The following NRXN2 variants were observed in gnomAD, a reference collection of about 807,000 sequenced individuals.
The protein encoded by NRXN2 is neurexin 2.
In NRXN2, 29 loss-of-function variants were observed where a neutral mutation model predicts 128.8. The ratio of observed to expected loss-of-function variants is 0.23; its 90% CI spans 0.17 to 0.31. The LOEUF (loss-of-function observed/expected upper bound fraction) is 0.31, where lower values mean the gene tolerates loss of function less well. Ranked by LOEUF, NRXN2 falls within the 10% of genes least tolerant of loss-of-function variation. The pLI is 1.00. For missense variants in NRXN2, 1,881 were observed against 2,452.6 expected, an observed-to-expected ratio of 0.77 and a Z score of 4.92; for synonymous variants, 1,098 against 1,075.2, an observed-to-expected ratio of 1.02 and a Z score of -0.41.
chr11:64,667,261 T>A lies in NRXN2; in HGVS notation c.1787A>T (p.Asp596Val). ...AGAGGCCTCCTGACCTTTTCGCCCA[T>A]CCCTCTGGAAGTCCACGTGACACCA... ...GEWCHVDFQRDGRKGSISVNS... is the reference protein window; with the variant it reads ...GEWCHVDFQRVGRKGSISVNS... Residue 596 changes from aspartate to valine, a missense_variant, in exon 9 of 23, where the codon GAT becomes GTT. Coordinates refer to ENST00000265459, the MANE Select transcript of NRXN2 (RefSeq NM_015080.4). This position sits in a 1 kb window ranked among gnomAD's most constrained non-coding sequence, Gnocchi z 5.6. 6.2e-7 allele frequency: 1 copy of A among 1,614,168 alleles called. No homozygotes were observed. The highest frequency in any genetic ancestry group is 8.5e-7 in the Non-Finnish European group (1 of 1,180,020).
rs1165042234 is a variant in NRXN2 at position 64,651,368 on chromosome 11, T to C, written c.2805A>G (p.Gln935=). The C allele has an allele frequency of 6.2e-7, 1 of 1,614,080 alleles. No homozygotes were observed. Among genetic ancestry groups the C allele is most frequent in the Non-Finnish European group, 8.5e-7 (1 of 1,180,034 alleles). Residue 935 remains glutamine, a synonymous_variant, in exon 14 of 23, where the codon CAA becomes CAG. Coordinates refer to ENST00000265459, the MANE Select transcript of NRXN2 (RefSeq NM_015080.4). The surrounding 1 kb of genome is among the most constrained non-coding windows in gnomAD (Gnocchi z 5.9). ...RSSYLALATL[Q]AYASMHLFFQ... ...AGAAGAGGTGCATGGAAGCATAGGC[T>C]TGGAGCGTGGCGAGTGCCAGGTAGC...
chr11:64,613,126 C>A (rs778101066), intron 22 of NRXN2, among the ~76,000 whole-genome samples: 1 of 152,200 alleles, frequency 6.6e-6, no homozygotes, highest in Non-Finnish European at 1.5e-5. Flanking sequence ...AAGAAAAAAA[C>A]GGTACATTGT....
chr11:64,616,479 C>G (rs960692494), intron 22 of NRXN2, among the ~76,000 whole-genome samples: 1 of 152,090 alleles, frequency 6.6e-6, no homozygotes, highest in African/African-American at 2.4e-5. Context: ...ATGTAGGACT[C>G]TGTGGTCTGA....
At chr11:64,718,829 G>A (rs1386965133) in intron 1 of NRXN2, among the ~76,000 whole-genome samples, 1 of 152,062 alleles carries the variant, frequency 6.6e-6, no homozygotes, top group Non-Finnish European at 1.5e-5. Flanking sequence ...GTGATGATCT[G>A]GCAGAAAAAA....
rs375119886 is a variant in NRXN2 at position 64,667,655 on chromosome 11, G to A, written c.1393C>T (p.Leu465=). Residue 465 remains leucine, a synonymous_variant, in exon 9 of 23, where the codon CTA becomes TTA. Transcript: ENST00000265459. This position sits in a 1 kb window ranked among gnomAD's most constrained non-coding sequence, Gnocchi z 5.6. ...TCCCCTTCCTTTGCCAGGCGGGATA[G>A]TTCCAATTTGAAGTCATTGTTCTTA... The part of the protein sequence containing the change: ...VYKNNDFKLE[L]SRLAKEGDPK... 4.3e-6 allele frequency: 7 copies of A among 1,614,084 alleles called. No homozygotes were observed. Among genetic ancestry groups the A allele is most frequent in the African/African-American group, 2.7e-5 (2 of 74,938 alleles).
At chr11:64,708,044 G>A (rs1019489958) in intron 2 of NRXN2, among the ~76,000 whole-genome samples, 1 of 151,552 alleles carries the variant, frequency 6.6e-6, no homozygotes, top group Non-Finnish European at 1.5e-5. Flanking sequence ...GTTGTGGTGA[G>A]CCAAGATTGT....
intron 1 of NRXN2, among the ~76,000 whole-genome samples, chr11:64,715,931 C>T (rs2057290904): frequency 6.6e-6 from 1 of 152,206 alleles, no homozygotes; most frequent in Admixed American, 6.5e-5. Context: ...GCCCTCACCC[C>T]CCCACACACA....
chr11:64,659,010 C>T (rs778792586), intron 11 of NRXN2, among the ~76,000 whole-genome samples: 50 of 152,174 alleles, frequency 3.3e-4, no homozygotes, highest in Non-Finnish European at 6.6e-4. Flanking sequence ...GGTGAAAGAG[C>T]GAGACTCCAT....
At chr11:64,680,705 G>A (rs1434054020) in intron 6 of NRXN2, among the ~76,000 whole-genome samples, 1 of 152,174 alleles carries the variant, frequency 6.6e-6, no homozygotes, top group Non-Finnish European at 1.5e-5. Flanking sequence ...CTAGTGGGGA[G>A]AGACGTTACA....
chr11:64,616,682 C>G (rs1231954697), intron 22 of NRXN2, among the ~76,000 whole-genome samples: 1 of 152,206 alleles, frequency 6.6e-6, no homozygotes, highest in Non-Finnish European at 1.5e-5. Context: ...ATATGCAAGT[C>G]TGTCTCTGGG....
At chr11:64,645,102 A>G (rs2046435581) in intron 17 of NRXN2, among the ~76,000 whole-genome samples, 1 of 152,210 alleles carries the variant, frequency 6.6e-6, no homozygotes, top group Non-Finnish European at 1.5e-5. Context: ...GAGAGACTGC[A>G]TGCCAGGAGC....
Position 64,723,171 on chromosome 11 carries a change from C to T in NRXN2, c.-445G>A, listed in dbSNP as rs971302815. On this transcript the variant is annotated 5_prime_UTR_variant, in exon 1 of 23. Coordinates refer to ENST00000265459, the MANE Select transcript of NRXN2 (RefSeq NM_015080.4). ...CTCCGCGAGTCAGGGCGGCTGCTCC[C>T]GCCGCCGCATCCCTGCAACACCGAC... 2 of 150,820 alleles carry T rather than the reference C, an allele frequency of 1.3e-5. No individual in the cohort carries two copies. The highest frequency in any genetic ancestry group is 4.9e-5 in the African/African-American group (2 of 40,918). The allele number at this position is 150,820 out of a possible 1,614,324, so 9.3% of individuals were successfully genotyped here. A position where few individuals can be genotyped will look rare whatever the true frequency, so the allele number is the denominator to read the frequency against.
Position 64,648,426 on chromosome 11 carries a change from G to C in NRXN2, c.3284-88C>G. 1 of 1,599,732 alleles carries C rather than the reference G, an allele frequency of 6.3e-7. No homozygotes were observed. The highest frequency in any genetic ancestry group is 1.3e-5 in the African/African-American group (1 of 74,730). On this transcript the variant is annotated intron_variant, in intron 16 of 22. Transcript: ENST00000265459. The surrounding 1 kb of genome is among the most constrained non-coding windows in gnomAD (Gnocchi z 4.1). ...TGTGGAAGCTTCAGAGCCAGGCAGAGAGGTCCTACTCTGAGCTCTGCCTGG... is the reference window on the plus strand; with the variant it reads ...TGTGGAAGCTTCAGAGCCAGGCAGACAGGTCCTACTCTGAGCTCTGCCTGG...
intron 20 of NRXN2, among the ~76,000 whole-genome samples, chr11:64,624,839 G>A (rs1299827242): frequency 6.6e-6 from 1 of 152,136 alleles, no homozygotes; most frequent in Non-Finnish European, 1.5e-5. Context: ...AATATTTATT[G>A]AGCACCTACC....
chr11:64,621,913 T>C (rs1215214913), intron 21 of NRXN2, among the ~76,000 whole-genome samples: 2 of 152,032 alleles, frequency 1.3e-5, no homozygotes, highest in Non-Finnish European at 2.9e-5. Flanking sequence ...GCCCCTCCAG[T>C]CCTGCCCTAT....
intron 1 of NRXN2, among the ~76,000 whole-genome samples, chr11:64,716,096 C>T (rs568808667): frequency 1.2e-4 from 19 of 152,302 alleles, no homozygotes; most frequent in African/African-American, 4.6e-4. Context: ...TTCCTCCTTC[C>T]CTGCTAGGGT....
At chr11:64,643,145 G>C in intron 17 of NRXN2, 1 of 981,916 alleles carries the variant, frequency 1.0e-6, no homozygotes, top group Non-Finnish European at 1.2e-6. Context: ...CGAGTGGAGA[G>C]GGAGGGGAGC....
Position 64,651,455 on chromosome 11 carries a change from G to C in NRXN2, c.2718C>G (p.Leu906=). The C allele has an allele frequency of 6.2e-7, 1 of 1,614,192 alleles. No individual in the cohort carries two copies. The highest frequency in any genetic ancestry group is 1.1e-5 in the South Asian group (1 of 91,072). Reference sequence around the variant, plus strand: ...TGGCACGCAGGCCAAAGCGAGCATTGAGCTCACAGTAGGTGATGTCACCAT... The same window carrying C: ...TGGCACGCAGGCCAAAGCGAGCATTCAGCTCACAGTAGGTGATGTCACCAT... ...CKDGDITYCE[L]NARFGLRAIV... Residue 906 remains leucine, a synonymous_variant, in exon 14 of 23, where the codon CTC becomes CTG. Transcript: ENST00000265459. The surrounding 1 kb of genome is among the most constrained non-coding windows in gnomAD (Gnocchi z 5.9).
At chr11:64,661,722 C>T (rs1481978438) in intron 9 of NRXN2, among the ~76,000 whole-genome samples, 3 of 152,230 alleles carry the variant, frequency 2.0e-5, no homozygotes, top group South Asian at 2.1e-4. Context: ...AAATGGTAGA[C>T]GAGGCTTGCA....
Sources: allele counts gnomAD v4.1 joint callset (sites outside exome capture counted in the v4.1 genomes callset), GRCh38; gene constraint gnomAD v4.1.1; non-coding constraint Gnocchi (gnomAD v3.1); transcripts MANE v1.5; gene names NCBI Gene and HGNC (gene_info 2026-07-23, HGNC 2026-07-21).